Variants in SLC45A4 observed in about 807,000 individuals in gnomAD.
SLC45A4 encodes solute carrier family 45 member 4.
A neutral mutation model predicts 63.7 loss-of-function variants in SLC45A4; 32 were observed. The observed-to-expected ratio is 0.50, with a 90% CI of 0.38 to 0.67. SLC45A4 has a LOEUF of 0.67. Among genes scored for constraint, SLC45A4 ranks in the 30% least tolerant of loss-of-function variants. The pLI is 0.00. For missense variants in SLC45A4, 1,027 were observed against 1,157.7 expected (o/e 0.89, Z 1.64); for synonymous variants, 535 against 510.0 (o/e 1.05, Z -0.66).
In SLC45A4 at chr8:141,254,407, T is replaced by C; in HGVS notation, c.-178A>G. 1 of 734,172 alleles carries C rather than the reference T, an allele frequency of 1.4e-6. No homozygotes were observed. The highest frequency in any genetic ancestry group is 1.8e-5 in the African/African-American group (1 of 56,648). 45.5% of individuals were successfully genotyped at this position (734,172 alleles called of 1,614,324 possible). Reference sequence around the variant, plus strand: ...TATCTCACAACTTCTCACAACGGTATGAGACATGCAGCAACACAGAACGAT... The same window carrying C: ...TATCTCACAACTTCTCACAACGGTACGAGACATGCAGCAACACAGAACGAT... On this transcript the variant is annotated 5_prime_UTR_variant, in exon 2 of 9. Transcript: ENST00000517878. This position sits in a 1 kb window ranked among gnomAD's most constrained non-coding sequence, Gnocchi z 4.5.
intron 2 of SLC45A4, among the ~76,000 whole-genome samples, chr8:141,239,987 A>C (rs113982482): frequency 6.6e-6 from 1 of 152,246 alleles, no homozygotes; most frequent in Non-Finnish European, 1.5e-5. Context: ...TCAAGAGTAG[A>C]CTTTTCCCAG....
chr8:141,294,201 G>C (rs747147142), intron 1 of SLC45A4, among the ~76,000 whole-genome samples: 1 of 152,158 alleles, frequency 6.6e-6, no homozygotes. Context: ...GGCCAACCGA[G>C]GGACCCTGCC....
In SLC45A4 at chr8:141,207,313, CACAA is replaced by C. The variant is rs1825569632; in HGVS notation, c.*4255_*4258del. The C allele has an allele frequency of 6.6e-6, 1 of 152,336 alleles. No individual in the cohort carries two copies. The highest frequency in any genetic ancestry group is 1.5e-5 in the Non-Finnish European group (1 of 68,140). The allele number at this position is 152,336 out of a possible 1,614,324, so 9.4% of individuals were successfully genotyped here. On this transcript the variant is annotated 3_prime_UTR_variant, in exon 9 of 9. Transcript: ENST00000517878. ...GAGGGGCGCGGACAGCAGCGCATGC[CACAA>C]ACATTCACCTGGCAAAGAAACAGAG...
At chr8:141,270,666 C>T (rs4961345) in intron 1 of SLC45A4, among the ~76,000 whole-genome samples, 39,433 of 152,080 alleles carry the variant, frequency 0.26, 5,389 homozygotes, top group East Asian at 0.47. Context: ...GTCTCTGTCC[C>T]GTGTCCAATG....
intron 1 of SLC45A4, among the ~76,000 whole-genome samples, chr8:141,303,011 T>C (rs374358047): frequency 4.5e-5 from 4 of 89,140 alleles, no homozygotes; most frequent in Non-Finnish European, 1.0e-4. Context: ...TTTTTTTTTT[T>C]TGAGACAGGG....
intron 2 of SLC45A4, among the ~76,000 whole-genome samples, chr8:141,223,160 A>C (rs921296966): frequency 6.6e-6 from 1 of 152,220 alleles, no homozygotes; most frequent in African/African-American, 2.4e-5. Context: ...GCTCACTAAA[A>C]CATGTATGCA....
At chr8:141,251,705 G>GA (rs1411568506) in intron 2 of SLC45A4, among the ~76,000 whole-genome samples, 2 of 151,834 alleles carry the variant, frequency 1.3e-5, no homozygotes, top group Non-Finnish European at 2.9e-5. Context: ...TTTTAAAGAT[G>GA]AAAAAAGACA....
chr8:141,302,138 A>G (rs1478756514), intron 1 of SLC45A4, among the ~76,000 whole-genome samples: 1 of 152,242 alleles, frequency 6.6e-6, no homozygotes, highest in East Asian at 1.9e-4. Context: ...TTTAAAAAGC[A>G]ATACAATGGT....
At chr8:141,231,645 G>A (rs1451950899) in intron 2 of SLC45A4, among the ~76,000 whole-genome samples, 1 of 152,158 alleles carries the variant, frequency 6.6e-6, no homozygotes, top group Non-Finnish European at 1.5e-5. Flanking sequence ...AAGAACCCTC[G>A]AGCCAAGGTG....
chr8:141,290,155 T>C (rs1490622374), intron 1 of SLC45A4, among the ~76,000 whole-genome samples: 2 of 152,206 alleles, frequency 1.3e-5, no homozygotes, highest in African/African-American at 2.4e-5. Context: ...ATATTATACA[T>C]GATCTACATC....
At chr8:141,235,658 C>A (rs2154614404) in intron 2 of SLC45A4, among the ~76,000 whole-genome samples, 1 of 152,320 alleles carries the variant, frequency 6.6e-6, no homozygotes. Flanking sequence ...GAGGGGCAGG[C>A]ATTGCACAAA....
Position 141,218,107 on chromosome 8 carries a change from C to T in SLC45A4, c.1533G>A (p.Leu511=). The T allele has an allele frequency of 1.2e-6, 2 of 1,612,492 alleles. No individual in the cohort carries two copies. Among genetic ancestry groups the T allele is most frequent in the Non-Finnish European group, 8.5e-7 (1 of 1,179,982 alleles). Residue 511 remains leucine, a synonymous_variant, in exon 5 of 9, where the codon CTG becomes CTA. Coordinates refer to ENST00000517878, the MANE Select transcript of SLC45A4 (RefSeq NM_001286646.2). Reference sequence around the variant, plus strand: ...ACCAGGTGAGGAGGTGGCAGAGGCACAGCCGCATCAGCTCCCTGGGCATCT... The same window carrying T: ...ACCAGGTGAGGAGGTGGCAGAGGCATAGCCGCATCAGCTCCCTGGGCATCT... ...MLKMPRELMR[L]CLCHLLTWFS...
rs1225173741 is a variant in SLC45A4 at position 141,219,380 on chromosome 8, G to T, written c.610+270C>A. Among the ~76,000 whole-genome samples the T allele has an allele frequency of 2.0e-5, 3 of 152,202 alleles. No individual in the cohort carries two copies. The East Asian group carries it at 5.8e-4, about 29-fold the overall frequency. ...TGCTGGAGGGCAAGGTCAGTGCAGG[G>T]CTGGGAGGTTCACTGTGCCAGCATG... On this transcript the variant is annotated intron_variant, in intron 4 of 8. Coordinates refer to ENST00000517878, the MANE Select transcript of SLC45A4 (RefSeq NM_001286646.2).
intron 2 of SLC45A4, among the ~76,000 whole-genome samples, chr8:141,235,077 C>A (rs964607052): frequency 6.6e-6 from 1 of 152,184 alleles, no homozygotes; most frequent in African/African-American, 2.4e-5. Context: ...AGTGAAGGTG[C>A]AGGTGACCAC....
intron 1 of SLC45A4, among the ~76,000 whole-genome samples, chr8:141,302,731 T>C (rs1262716416): frequency 1.3e-5 from 2 of 152,154 alleles, no homozygotes; most frequent in African/African-American, 2.4e-5. Flanking sequence ...TCACTGACAG[T>C]GAAAAAGCTG....
At chr8:141,255,876 A>G (rs1828753446) in intron 1 of SLC45A4, among the ~76,000 whole-genome samples, 1 of 152,184 alleles carries the variant, frequency 6.6e-6, no homozygotes, top group African/African-American at 2.4e-5. Context: ...CCTTTAGGTT[A>G]TAAAACCTCT....
At chr8:141,306,744 G>C (rs184262355) in intron 1 of SLC45A4, among the ~76,000 whole-genome samples, 4 of 152,316 alleles carry the variant, frequency 2.6e-5, no homozygotes, top group African/African-American at 4.8e-5. Context: ...AGACCGTCTG[G>C]GGAATGGAAG....
At chr8:141,300,597 C>T (rs938597513) in intron 1 of SLC45A4, among the ~76,000 whole-genome samples, 7 of 152,208 alleles carry the variant, frequency 4.6e-5, no homozygotes, top group African/African-American at 7.2e-5. Context: ...TGCCTCGCTC[C>T]GGAACAGGCA....
chr8:141,254,682 G>A lies in SLC45A4; in HGVS notation c.-400-53C>T, dbSNP rs1357006263. 2 of 696,482 alleles carry A rather than the reference G, an allele frequency of 2.9e-6. No homozygotes were observed. The highest frequency in any genetic ancestry group is 3.5e-5 in the African/African-American group (2 of 57,148). The allele number at this position is 696,482 out of a possible 1,614,324, so 43.1% of individuals were successfully genotyped here. On this transcript the variant is annotated intron_variant, in intron 1 of 8. Coordinates refer to ENST00000517878, the MANE Select transcript of SLC45A4 (RefSeq NM_001286646.2). This position sits in a 1 kb window ranked among gnomAD's most constrained non-coding sequence, Gnocchi z 4.5. ...GAGAGTCAGGGGACGGCCACCAGAT[G>A]GCCCTGTGGACCGCCGCCCGACCCC...
Sources: allele counts gnomAD v4.1 joint callset (sites outside exome capture counted in the v4.1 genomes callset), GRCh38; gene constraint gnomAD v4.1.1; non-coding constraint Gnocchi (gnomAD v3.1); transcripts MANE v1.5; gene names NCBI Gene and HGNC (gene_info 2026-07-23, HGNC 2026-07-21).